SLC44A3: variants seen among roughly 807,000 people sequenced by gnomAD.
SLC44A3 encodes the protein choline transporter-like protein 3.
A neutral mutation model predicts 75.4 loss-of-function variants in SLC44A3; 74 were observed. That is an observed-to-expected ratio of 0.98 (90% CI 0.81 to 1.19). The LOEUF is 1.19. Ranked by LOEUF, SLC44A3 falls within the 50% of genes most tolerant of loss-of-function variation. The pLI, the probability that SLC44A3 is intolerant of heterozygous loss-of-function variation, is 0.00. For missense variants in SLC44A3, 700 were observed against 778.6 expected (o/e 0.90, Z 1.20); for synonymous variants, 310 against 296.9 (o/e 1.04, Z -0.45).
chr1:94,826,438 G>A (rs1474510679), intron 3 of SLC44A3, among the ~76,000 whole-genome samples: 1 of 152,122 alleles, frequency 6.6e-6, no homozygotes, highest in Non-Finnish European at 1.5e-5. Context: ...GATCCACAGG[G>A]TCAGGAGTTC....
intron 12 of SLC44A3, among the ~76,000 whole-genome samples, chr1:94,883,067 C>T (rs1669166607): frequency 6.6e-6 from 1 of 151,052 alleles, no homozygotes; most frequent in African/African-American, 2.4e-5. Flanking sequence ...GGCCAGGGGT[C>T]AGAAGGCATT....
chr1:94,827,586 T>A lies in SLC44A3; in HGVS notation c.358T>A (p.Cys120Ser). 3 of 1,614,232 alleles carry A rather than the reference T, an allele frequency of 1.9e-6. No individual in the cohort carries two copies. The highest frequency in any genetic ancestry group is 1.6e-4 in the Middle Eastern group (1 of 6,062). Residue 120 changes from cysteine (C) to serine (S), a missense_variant, in exon 4 of 15, where the codon TGC becomes AGC. Cys to Ser is a moderately radical substitution (Grantham distance 112). Transcript: ENST00000271227. ...LNRMALCVSN[C>S]PEEQLDSLEE... ...CCGCATGGCCCTCTGTGTATCCAAC[T>A]GCCCTGAAGAGCAGCTTGACTCCCT... is the stretch of plus-strand genomic sequence containing the variant.
At chr1:94,874,394 C>G (rs2101552242) in intron 12 of SLC44A3, among the ~76,000 whole-genome samples, 1 of 152,334 alleles carries the variant, frequency 6.6e-6, no homozygotes, top group East Asian at 1.9e-4. Context: ...CCAAAGCCCT[C>G]TTCTCCAAGT....
intron 10 of SLC44A3, among the ~76,000 whole-genome samples, chr1:94,857,876 C>T (rs531049854): frequency 6.5e-5 from 9 of 138,758 alleles, no homozygotes; most frequent in Non-Finnish European, 1.1e-4. Context: ...TGCAGTGGCG[C>T]GATCTTGGCT....
chr1:94,866,731 G>A (rs1667208041), intron 11 of SLC44A3, among the ~76,000 whole-genome samples: 1 of 152,156 alleles, frequency 6.6e-6, no homozygotes. Context: ...TGGGTAGGAT[G>A]CCTCCGAGCA....
At chr1:94,849,509 G>A (rs1664921251) in intron 9 of SLC44A3, among the ~76,000 whole-genome samples, 1 of 152,156 alleles carries the variant, frequency 6.6e-6, no homozygotes, top group Non-Finnish European at 1.5e-5. Context: ...GGGCAGATCA[G>A]CAGCTGAATC....
Position 94,891,147 on chromosome 1 carries a change from T to C in SLC44A3, c.1500T>C (p.Thr500=). 6.2e-7 allele frequency: 1 copy of C among 1,608,482 alleles called. No individual in the cohort carries two copies. The highest frequency in any genetic ancestry group is 1.1e-5 in the South Asian group (1 of 90,240). ...LHLNQNAYTT[T]AINGTDFCTS... ...TGTTTCAGAATGCATATACTACAAC[T>C]GCTATTAATGGGACAGATTTCTGTA... The change falls in exon 13 of 15, where the codon ACT becomes ACC. Residue 500 remains threonine (T), a synonymous_variant. Coordinates refer to ENST00000271227, the MANE Select transcript of SLC44A3 (RefSeq NM_001114106.3).
chr1:94,823,739 T>C (rs1660925317), intron 2 of SLC44A3, among the ~76,000 whole-genome samples: 1 of 152,192 alleles, frequency 6.6e-6, no homozygotes, highest in Non-Finnish European at 1.5e-5. Context: ...CAATATAGAG[T>C]ATTAAATGGT....
chr1:94,845,551 C>A, intron 9 of SLC44A3, 87 bp downstream of exon 9: 1 of 1,308,990 alleles, frequency 7.6e-7, no homozygotes, highest in South Asian at 1.5e-5. Flanking sequence ...CTGTAGGCAC[C>A]TAACCCCTCA....
intron 7 of SLC44A3, among the ~76,000 whole-genome samples, 194 bp downstream of exon 7, chr1:94,840,231 G>A (rs1432336922): frequency 6.9e-6 from 1 of 144,932 alleles, no homozygotes; most frequent in African/African-American, 2.5e-5. Context: ...ACAGTGCAAA[G>A]TTAATGACCA....
At chr1:94,836,136 T>C (rs1360699) in intron 5 of SLC44A3, among the ~76,000 whole-genome samples, 79,531 of 152,032 alleles carry the variant, frequency 0.52, 21,008 homozygotes, top group East Asian at 0.69. Flanking sequence ...ATTTGGATTC[T>C]CCTTTGTTTC....
chr1:94,855,386 T>G (rs1665757018), intron 9 of SLC44A3: 1 of 152,240 alleles, frequency 6.6e-6, no homozygotes, highest in Non-Finnish European at 1.5e-5. Flanking sequence ...AGCAGGTACT[T>G]CTTCCCTGGC....
intron 4 of SLC44A3, 94 bp downstream of exon 4, chr1:94,827,737 G>C (rs945509264): frequency 6.8e-7 from 1 of 1,472,604 alleles, no homozygotes; most frequent in Non-Finnish European, 9.2e-7. Context: ...GCTTTCTCTG[G>C]AAAGCTGGAA....
intron 14 of SLC44A3, among the ~76,000 whole-genome samples, chr1:94,894,108 C>A (rs934205137): frequency 5.3e-5 from 8 of 151,912 alleles, no homozygotes; most frequent in South Asian, 4.2e-4. Flanking sequence ...CACCTCCCCC[C>A]CAAAAAAAAT....
intron 9 of SLC44A3, among the ~76,000 whole-genome samples, chr1:94,848,108 AG>A (rs1664677221): frequency 6.6e-6 from 1 of 152,154 alleles, no homozygotes; most frequent in Non-Finnish European, 1.5e-5. Flanking sequence ...GGGCGCCTAT[AG>A]TCCCAGCTAC....
chr1:94,835,085 G>A (rs1662603287), intron 5 of SLC44A3, among the ~76,000 whole-genome samples: 1 of 152,172 alleles, frequency 6.6e-6, no homozygotes, highest in Non-Finnish European at 1.5e-5. Context: ...CAAATTAAGG[G>A]ACATTTTACA....
At chr1:94,825,948 T>C in intron 3 of SLC44A3, 1 of 456,058 alleles carries the variant, frequency 2.2e-6, no homozygotes, top group South Asian at 1.5e-5. Flanking sequence ...TTGAAGTGAG[T>C]ATACATTCCA....
At chr1:94,884,984 G>T (rs892105038) in intron 12 of SLC44A3, among the ~76,000 whole-genome samples, 1 of 152,030 alleles carries the variant, frequency 6.6e-6, no homozygotes, top group African/African-American at 2.4e-5. Context: ...AGTGGCTCAC[G>T]CCTATAATCC....
At chr1:94,888,132 T>G (rs1669803035) in intron 12 of SLC44A3, among the ~76,000 whole-genome samples, 1 of 152,192 alleles carries the variant, frequency 6.6e-6, no homozygotes, top group Non-Finnish European at 1.5e-5. Context: ...GTTAGATCAT[T>G]TGCCCAAGAC....
Sources: allele counts gnomAD v4.1 joint callset (sites outside exome capture counted in the v4.1 genomes callset), GRCh38; gene constraint gnomAD v4.1.1; transcripts MANE v1.5; gene names NCBI Gene and HGNC (gene_info 2026-07-23, HGNC 2026-07-21).